The following SHC4 variants were observed in gnomAD, a reference collection of about 807,000 sequenced individuals.
The protein encoded by SHC4 is SHC adaptor protein 4.
A neutral mutation model predicts 69.4 loss-of-function variants in SHC4; 41 were observed. The ratio of observed to expected loss-of-function variants is 0.59; its 90% CI spans 0.46 to 0.77. The LOEUF is 0.77. SHC4 is among the 30% of genes least tolerant of loss of function. The pLI is 0.00. For synonymous variants in SHC4, 318 were observed against 299.3 expected, an observed-to-expected ratio of 1.06 and a Z score of -0.64; for missense variants, 777 against 783.8, an observed-to-expected ratio of 0.99 and a Z score of 0.10.
chr15:48,904,712 C>G (rs1900376087), intron 2 of SHC4, among the ~76,000 whole-genome samples: 1 of 151,204 alleles, frequency 6.6e-6, no homozygotes, highest in South Asian at 2.1e-4. Flanking sequence ...ACCTCATCTC[C>G]ACACACACAC....
At chr15:48,928,626 G>A (rs955077495) in intron 1 of SHC4, among the ~76,000 whole-genome samples, 2 of 152,124 alleles carry the variant, frequency 1.3e-5, no homozygotes, top group African/African-American at 4.8e-5. Context: ...GGGGGTGAGA[G>A]GAATTCCTCC....
chr15:48,939,458 A>C lies in SHC4; in HGVS notation c.586-14509T>G, dbSNP rs11853196. On this transcript the variant is annotated intron_variant, in intron 1 of 11. Transcript: ENST00000332408. ...AAATACTTCAATATGACTAATGTCCAGGGATATGGCTGAGATATCAGCAGG... is the reference window on the plus strand; with the variant it reads ...AAATACTTCAATATGACTAATGTCCCGGGATATGGCTGAGATATCAGCAGG... Among the ~76,000 whole-genome samples the C allele has an allele frequency of 6.4e-3, 976 of 152,370 alleles. 5 individuals carry two copies. Among genetic ancestry groups the C allele is most frequent in the Non-Finnish European group, 0.011 (722 of 68,028 alleles).
intron 2 of SHC4, among the ~76,000 whole-genome samples, chr15:48,916,166 C>G (rs1900616125): frequency 6.6e-6 from 1 of 151,306 alleles, no homozygotes; most frequent in Non-Finnish European, 1.5e-5. Flanking sequence ...TTTGACCTCT[C>G]CAGAATGCTT....
At chr15:48,878,512 C>G in intron 4 of SHC4, 2 of 1,614,018 alleles carry the variant, frequency 1.2e-6, no homozygotes, top group African/African-American at 1.3e-5. Flanking sequence ...ACGACTATCC[C>G]GAAGAGGAGC....
At chr15:48,937,280 T>G (rs1422110672) in intron 1 of SHC4, among the ~76,000 whole-genome samples, 1 of 152,138 alleles carries the variant, frequency 6.6e-6, no homozygotes, top group Non-Finnish European at 1.5e-5. Flanking sequence ...CCAGGTGATC[T>G]CAAACTCCTC....
At chr15:48,915,974 G>A (rs1206269847) in intron 2 of SHC4, among the ~76,000 whole-genome samples, 1 of 151,948 alleles carries the variant, frequency 6.6e-6, no homozygotes, top group Non-Finnish European at 1.5e-5. Flanking sequence ...ATTCCTAACT[G>A]CAACAAGTCA....
chr15:48,924,111 G>A (rs1310922303), intron 2 of SHC4, among the ~76,000 whole-genome samples: 1 of 152,076 alleles, frequency 6.6e-6, no homozygotes, highest in Non-Finnish European at 1.5e-5. Flanking sequence ...AGAACAGGAG[G>A]CCTGCAAGCA....
chr15:48,928,925 T>G (rs1224369298), intron 1 of SHC4, among the ~76,000 whole-genome samples: 3 of 152,208 alleles, frequency 2.0e-5, no homozygotes, highest in Admixed American at 1.3e-4. Context: ...GGGGCTGAGA[T>G]GAAGGGTGGC....
intron 10 of SHC4, among the ~76,000 whole-genome samples, chr15:48,839,083 A>G (rs1418339015): frequency 6.6e-6 from 1 of 152,188 alleles, no homozygotes; most frequent in Non-Finnish European, 1.5e-5. Flanking sequence ...GGAAAGATAA[A>G]TAAAATTAAT....
Position 48,931,293 on chromosome 15 carries a change from G to A in SHC4, c.586-6344C>T, listed in dbSNP as rs77241852. Among the ~76,000 whole-genome samples the A allele has an allele frequency of 9.5e-3, 1,450 of 152,238 alleles. 27 individuals carry two copies. The highest frequency in any genetic ancestry group is 0.081 in the East Asian group (422 of 5,182). On this transcript the variant is annotated intron_variant, in intron 1 of 11. Transcript: ENST00000332408. ...TCTAGTCTAATAAAATCAGTCTCTA[G>A]CATGTACACTCCTTTGCTTTCAATT...
intron 7 of SHC4, 35 bp downstream of exon 7, chr15:48,857,657 T>C (rs1899352872): frequency 1.3e-6 from 2 of 1,557,058 alleles, no homozygotes; most frequent in African/African-American, 2.7e-5. Flanking sequence ...CACATATATA[T>C]ATATTGTCAA....
intron 9 of SHC4, among the ~76,000 whole-genome samples, chr15:48,848,593 A>C (rs972315117): frequency 6.6e-6 from 1 of 152,194 alleles, no homozygotes; most frequent in Admixed American, 6.5e-5. Flanking sequence ...CCAGGCTCCA[A>C]ACAAACTTTT....
At chr15:48,893,804 A>G (rs984078152) in intron 2 of SHC4, among the ~76,000 whole-genome samples, 1 of 152,218 alleles carries the variant, frequency 6.6e-6, no homozygotes, top group Admixed American at 6.5e-5. Context: ...GTAAAAGTTG[A>G]CAAATGTCAA....
At chr15:48,866,956 A>G (rs1288710315) in intron 6 of SHC4, among the ~76,000 whole-genome samples, 1 of 152,226 alleles carries the variant, frequency 6.6e-6, no homozygotes, top group Non-Finnish European at 1.5e-5. Flanking sequence ...TGAAACAAGA[A>G]TTCCCATCAA....
At chr15:48,867,272 GT>G (rs1899581739) in intron 6 of SHC4, among the ~76,000 whole-genome samples, 2 of 152,236 alleles carry the variant, frequency 1.3e-5, no homozygotes, top group Non-Finnish European at 2.9e-5. Context: ...AGAGAAATAA[GT>G]GTTGTGATGC....
At position 48,895,578 on chromosome 15, in the gene SHC4, A is replaced by G. The variant is rs567130860; in HGVS notation, c.657-4767T>C. On this transcript the variant is annotated intron_variant, in intron 2 of 11. Coordinates refer to ENST00000332408, the MANE Select transcript of SHC4 (RefSeq NM_203349.4). ...GCCCTTCCCCAGCCCTCTGCTGTCT[A>G]TGGCTGGCTGCCACCTCCTGGAAGA... Among the ~76,000 whole-genome samples, 139 of 152,212 alleles carry G rather than the reference A, an allele frequency of 9.1e-4. 1 individual carries two copies. Among genetic ancestry groups the G allele is most frequent in the African/African-American group, 3.2e-3 (135 of 41,554 alleles).
chr15:48,834,124 C>T (rs1221268556), intron 11 of SHC4, among the ~76,000 whole-genome samples: 3 of 152,210 alleles, frequency 2.0e-5, no homozygotes, highest in Non-Finnish European at 4.4e-5. Flanking sequence ...ATGGCTCTAA[C>T]TTACCTTTCC....
rs540609646 is a variant in SHC4, at chr15:48,961,870, A to T, written c.585+561T>A. Among the ~76,000 whole-genome samples, 3 of 152,318 alleles carry T rather than the reference A, an allele frequency of 2.0e-5. No individual in the cohort carries two copies. The East Asian group carries it at 5.8e-4, about 29-fold the overall frequency. ...GCAGCGTAGGCAGTAAAGGCAATAA[A>T]TGTGCACCGGAGAGCTAAGACTAGC... is the stretch of plus-strand genomic sequence containing the variant. On this transcript the variant is annotated intron_variant, in intron 1 of 11. Transcript: ENST00000332408.
chr15:48,834,412 A>G (rs890513237), intron 11 of SHC4, among the ~76,000 whole-genome samples: 3 of 152,222 alleles, frequency 2.0e-5, no homozygotes, highest in African/African-American at 2.4e-5. Context: ...TATTATAATT[A>G]TTTAAGCACT....
Sources: allele counts gnomAD v4.1 joint callset (sites outside exome capture counted in the v4.1 genomes callset), GRCh38; gene constraint gnomAD v4.1.1; transcripts MANE v1.5; gene names NCBI Gene and HGNC (gene_info 2026-07-23, HGNC 2026-07-21).